DONSON: variants seen among roughly 807,000 people sequenced by gnomAD.
DONSON encodes the protein DNA replication fork stabilization factor DONSON.
DONSON carries 43 observed loss-of-function variants against 62.1 expected under a neutral mutation model. The observed-to-expected ratio is 0.69, with a 90% CI of 0.54 to 0.89. The LOEUF (loss-of-function observed/expected upper bound fraction) is 0.89, where lower values mean the gene tolerates loss of function less well. DONSON is among the 40% of genes least tolerant of loss of function. DONSON has a pLI of 0.00. For synonymous variants in DONSON, 266 were observed against 264.6 expected, an observed-to-expected ratio of 1.01 and a Z score of -0.05; for missense variants, 696 against 697.5, an observed-to-expected ratio of 1.00 and a Z score of 0.03.
chr21:33,588,670 G>C lies in DONSON; in HGVS notation c.-29C>G. The C allele has an allele frequency of 1.6e-6, 2 of 1,226,480 alleles. No individual in the cohort carries two copies. Among genetic ancestry groups the C allele is most frequent in the South Asian group, 7.7e-5 (2 of 25,828 alleles). The allele number at this position is 1,226,480 out of a possible 1,614,324, so 76.0% of individuals were successfully genotyped here. ...GCGCGGCGGCTGAGGGTAGCCGGCC[G>C]CCCTACAGAGACTTCCCGCGCGCGC... is the stretch of plus-strand genomic sequence containing the variant. On this transcript the variant is annotated 5_prime_UTR_variant, in exon 1 of 10. Transcript: ENST00000303071.
chr21:33,588,151 C>G (rs1204435653), intron 1 of DONSON, among the ~76,000 whole-genome samples, 170 bp downstream of exon 1: 1 of 152,190 alleles, frequency 6.6e-6, no homozygotes, highest in Non-Finnish European at 1.5e-5. Context: ...ACAAACCCGG[C>G]CTTGCCAGAA....
chr21:33,584,012 GTTTATATATA>G (rs1248757173), intron 4 of DONSON, among the ~76,000 whole-genome samples: 18 of 80,794 alleles, frequency 2.2e-4, no homozygotes, highest in African/African-American at 9.9e-4. Flanking sequence ...AGGGCTGCGT[GTTTATATATA>G]TATATATATA....
In DONSON at chr21:33,578,303, G is replaced by A. The variant is rs116461921; in HGVS notation, c.*4C>T. On this transcript the variant is annotated 3_prime_UTR_variant, in exon 10 of 10. Coordinates refer to ENST00000303071, the MANE Select transcript of DONSON (RefSeq NM_017613.4). ...AAAGATTCCTTTTAGGCTTACTTTG[G>A]TGTTCAGGATCTCCAATTATAAATG... 9.1e-3 allele frequency: 14,686 copies of A among 1,609,914 alleles called. 94 individuals carry two copies. Among genetic ancestry groups the A allele is most frequent in the Non-Finnish European group, 0.011 (12,777 of 1,178,022 alleles).
At chr21:33,586,821 G>A (rs995626019) in intron 2 of DONSON, among the ~76,000 whole-genome samples, 2 of 151,832 alleles carry the variant, frequency 1.3e-5, no homozygotes, top group Admixed American at 6.6e-5. Context: ...ATTTTTAGTC[G>A]AGACGGGGGT....
rs58512391 is a variant in DONSON at position 33,583,803 on chromosome 21, C to A, written c.786-137G>T. ...ATAATGGTTTTAATTTTTGTGGTTACGTATGACTTAGCTTTAAAGGACTGA... is the reference window on the plus strand; with the variant it reads ...ATAATGGTTTTAATTTTTGTGGTTAAGTATGACTTAGCTTTAAAGGACTGA... On this transcript the variant is annotated intron_variant, in intron 4 of 9. Coordinates refer to ENST00000303071, the MANE Select transcript of DONSON (RefSeq NM_017613.4). 5.8e-4 allele frequency: 439 copies of A among 762,054 alleles called. 1 individual carries two copies. The African/African-American group carries it at 6.8e-3, about 12-fold the overall frequency. 47.2% of individuals were successfully genotyped at this position (762,054 alleles called of 1,614,324 possible). A position where few individuals can be genotyped will look rare whatever the true frequency, so the allele number is the denominator to read the frequency against.
chr21:33,581,225 G>T (rs2086506771), intron 8 of DONSON, 77 bp downstream of exon 8: 8 of 1,341,260 alleles, frequency 6.0e-6, no homozygotes, highest in Non-Finnish European at 8.1e-6. Flanking sequence ...ATGCTAGGAG[G>T]TTTTTTTTTA....
At position 33,577,567 on chromosome 21, in the gene DONSON, C is replaced by CTT. The variant is rs764272322; in HGVS notation, c.*738_*739dup. On this transcript the variant is annotated 3_prime_UTR_variant, in exon 10 of 10. Transcript: ENST00000303071. Reference sequence around the variant, plus strand: ...ACCCAATGCTTTTGATTTTTAAGCACTTTTATTTTAAAAATGTGAATTATA... The same window carrying CTT: ...ACCCAATGCTTTTGATTTTTAAGCACTTTTTTATTTTAAAAATGTGAATTATA... 6.7e-6 allele frequency: 1 copy of CTT among 149,344 alleles called. No individual in the cohort carries two copies. The highest frequency in any genetic ancestry group is 6.8e-5 in the Admixed American group (1 of 14,690). 9.3% of individuals were successfully genotyped at this position (149,344 alleles called of 1,614,324 possible). A position where few individuals can be genotyped will look rare whatever the true frequency, so the allele number is the denominator to read the frequency against.
rs771138584 is a variant in DONSON at position 33,578,373 on chromosome 21, C to A, written c.1635G>T (p.Pro545=). Residue 545 remains proline (P), a synonymous_variant, in exon 10 of 10, where the codon CCG becomes CCT. Coordinates refer to ENST00000303071, the MANE Select transcript of DONSON (RefSeq NM_017613.4). The part of the protein sequence containing the change: ...PNTLEQLSQI[P]LLGKSSLRNV... ...TCCGTAAAGATGATTTCCCAAGTAA[C>A]GGTATTTGACTAAGTTGCTCCAGAG... The A allele has an allele frequency of 3.1e-6, 5 of 1,613,870 alleles. No individual in the cohort carries two copies. Among genetic ancestry groups the A allele is most frequent in the African/African-American group, 1.3e-5 (1 of 74,914 alleles).
In DONSON at chr21:33,582,209, G is replaced by A. The variant is rs1174117653; in HGVS notation, c.1002C>T (p.Gly334=). 2 of 1,613,888 alleles carry A rather than the reference G, an allele frequency of 1.2e-6. No individual in the cohort carries two copies. Among genetic ancestry groups the A allele is most frequent in the South Asian group, 1.1e-5 (1 of 91,070 alleles). ...EFSLPLIKES[G]HKKETASGTS... Reference sequence around the variant, plus strand: ...TTCCAGATGCTGTCTCCTTCTTATGGCCACTTTCTTTTATTAAAGGCAGAG... The same window carrying A: ...TTCCAGATGCTGTCTCCTTCTTATGACCACTTTCTTTTATTAAAGGCAGAG... The change falls in exon 6 of 10, where the codon GGC becomes GGT. Residue 334 remains glycine, a synonymous_variant. Coordinates refer to ENST00000303071, the MANE Select transcript of DONSON (RefSeq NM_017613.4).
rs1601310253 is a variant in DONSON, at chr21:33,579,234, A to C, written c.1563+116T>G. ...TCCTTCCTCTAGTAATTCATAATTA[A>C]GTAACAGTTTAATTACTTGAAACAC... On this transcript the variant is annotated intron_variant, in intron 9 of 9. Coordinates refer to ENST00000303071, the MANE Select transcript of DONSON (RefSeq NM_017613.4). 7.1e-6 allele frequency: 5 copies of C among 702,718 alleles called. No individual in the cohort carries two copies. The East Asian group carries it at 1.4e-4, about 19-fold the overall frequency. The allele number at this position is 702,718 out of a possible 1,614,324, so 43.5% of individuals were successfully genotyped here.
chr21:33,581,188 C>T (rs887761360), intron 8 of DONSON, 114 bp downstream of exon 8: 5 of 1,012,066 alleles, frequency 4.9e-6, no homozygotes, highest in Middle Eastern at 6.6e-4. Context: ...GGGAGGAAAG[C>T]AAAATGAAAA....
chr21:33,584,890 T>A, intron 3 of DONSON, 122 bp from the exon 4 acceptor site: 1 of 797,958 alleles, frequency 1.3e-6, no homozygotes, highest in Non-Finnish European at 1.8e-6. Flanking sequence ...AGGAAAGCAT[T>A]AATAATTGTT....
At position 33,578,439 on chromosome 21, in the gene DONSON, A is replaced by C. The variant is rs924451011; in HGVS notation, c.1569T>G (p.Val523=). The part of the protein sequence containing the change: ...LQMDKVLDME[V]VHKELTNCGL... The stretch of plus-strand genomic sequence containing the variant: ...CACAGTTAGTAAGCTCCTTATGAAC[A>C]ACCTCCTGTGGAAATGTGTGTACAA... Residue 523 remains valine (V), a synonymous_variant, in exon 10 of 10, where the codon GTT becomes GTG. Transcript: ENST00000303071. The C allele has an allele frequency of 1.2e-6, 2 of 1,613,226 alleles. No individual in the cohort carries two copies. The highest frequency in any genetic ancestry group is 1.7e-6 in the Non-Finnish European group (2 of 1,179,532).
chr21:33,584,560 A>C, intron 4 of DONSON, 30 bp downstream of exon 4: 3 of 1,541,990 alleles, frequency 1.9e-6, no homozygotes, highest in Non-Finnish European at 2.6e-6. Flanking sequence ...TTCACTATTG[A>C]ATTATACAAG....
At position 33,578,096 on chromosome 21, in the gene DONSON, T is replaced by C. The variant is rs1016856952; in HGVS notation, c.*211A>G. On this transcript the variant is annotated 3_prime_UTR_variant, in exon 10 of 10. Coordinates refer to ENST00000303071, the MANE Select transcript of DONSON (RefSeq NM_017613.4). ...AATATACAATTAGGTTGTAGGGATA[T>C]AGATATCTCATTTGAGTTATCTGAG... The C allele has an allele frequency of 6.4e-5, 32 of 498,908 alleles. No homozygotes were observed. In the Middle Eastern group the frequency reaches 1.7e-3, roughly 26 times the overall value. The allele number at this position is 498,908 out of a possible 1,614,324, so 30.9% of individuals were successfully genotyped here.
At position 33,585,991 on chromosome 21, in the gene DONSON, G is replaced by A; in HGVS notation, c.593C>T (p.Pro198Leu). ...TTTCAGAGTTACCTGTATACTTTTA[G>A]GCAAAGTAACTTCTGTTGCCCTACA... ...QHCRATEVTL[P>L]KSIQDPKLSS... Residue 198 changes from proline to leucine, a missense_variant, in exon 3 of 10, where the codon CCT (proline) becomes CTT (leucine). Physicochemically the swap from Pro to Leu is moderately conservative, Grantham distance 98. Coordinates refer to ENST00000303071, the MANE Select transcript of DONSON (RefSeq NM_017613.4). 6.2e-7 allele frequency: 1 copy of A among 1,614,032 alleles called. No homozygotes were observed. The highest frequency in any genetic ancestry group is 2.2e-5 in the East Asian group (1 of 44,872).
chr21:33,588,603 TC>T lies in DONSON; in HGVS notation c.38del (p.Arg13GlnfsTer6). On this transcript the variant is annotated frameshift_variant, in exon 1 of 10. Transcript: ENST00000303071. LOFTEE classifies it high-confidence loss of function. ...GGAGCCGCACTACCTCGGGCGGCTT[TC>T]GGAAGCCCGGTGAGTAGCCGGGCAC... ...LSVPGYSPGF[R>X]KPPEVVRLRR... 8.0e-7 allele frequency: 1 copy of T among 1,249,308 alleles called. No individual in the cohort carries two copies. Among genetic ancestry groups the T allele is most frequent in the Non-Finnish European group, 1.0e-6 (1 of 995,570 alleles). 77.4% of individuals were successfully genotyped at this position (1,249,308 alleles called of 1,614,324 possible). A position where few individuals can be genotyped will look rare whatever the true frequency, so the allele number is the denominator to read the frequency against.
chr21:33,584,607 A>C lies in DONSON; in HGVS notation c.768T>G (p.His256Gln). 1 of 1,607,328 alleles carries C rather than the reference A, an allele frequency of 6.2e-7. No individual in the cohort carries two copies. Among genetic ancestry groups the C allele is most frequent in the Non-Finnish European group, 8.5e-7 (1 of 1,176,888 alleles). Residue 256 changes from histidine to glutamine, a missense_variant, in exon 4 of 10, where the codon CAT becomes CAG. Transcript: ENST00000303071. The stretch of plus-strand genomic sequence containing the variant: ...AATCTTACCAGTCACTCATTAAAAC[A>C]TGCTGCAGGGTTGCATCATTTGACC... ...SPWSNDATLQ[H>Q]VLMSDWSVSF...
At position 33,588,615 on chromosome 21, in the gene DONSON, T is replaced by C; in HGVS notation, c.27A>G (p.Ser9=). ...CCTCGGGCGGCTTTCGGAAGCCCGGTGAGTAGCCGGGCACCGAAAGGGCCA... is the reference window on the plus strand; with the variant it reads ...CCTCGGGCGGCTTTCGGAAGCCCGGCGAGTAGCCGGGCACCGAAAGGGCCA... MALSVPGY[S]PGFRKPPEVV... is the part of the protein sequence containing the mutation. Residue 9 remains serine, a synonymous_variant, in exon 1 of 10, where the codon TCA becomes TCG. Coordinates refer to ENST00000303071, the MANE Select transcript of DONSON (RefSeq NM_017613.4). 3.2e-6 allele frequency: 4 copies of C among 1,246,426 alleles called. No homozygotes were observed. Among genetic ancestry groups the C allele is most frequent in the Non-Finnish European group, 4.0e-6 (4 of 994,068 alleles). The allele number at this position is 1,246,426 out of a possible 1,614,324, so 77.2% of individuals were successfully genotyped here.
Sources: gnomAD v4.1 joint callset for allele counts (sites outside exome capture counted in the v4.1 genomes callset) on GRCh38, gnomAD v4.1.1 for gene constraint, MANE v1.5 for transcripts, NCBI Gene and HGNC (gene_info 2026-07-23, HGNC 2026-07-21) for gene names.